The following PCCB variants were observed in gnomAD, a reference collection of about 807,000 sequenced individuals.
PCCB encodes the protein propionyl-CoA carboxylase subunit beta.
Under a neutral mutation model 60.7 loss-of-function variants are expected in PCCB, and 43 were observed. That is an observed-to-expected ratio of 0.71 (90% CI 0.55 to 0.91). PCCB has a LOEUF of 0.91. Ranked by LOEUF, PCCB falls within the 40% of genes least tolerant of loss-of-function variation. The pLI, the probability that PCCB is intolerant of heterozygous loss-of-function variation, is 0.00. For missense variants in PCCB, 766 were observed against 702.8 expected, an observed-to-expected ratio of 1.09 and a Z score of -1.02; for synonymous variants, 276 against 255.9, an observed-to-expected ratio of 1.08 and a Z score of -0.75.
chr3:136,316,622 T>C (rs1244671413), intron 9 of PCCB, among the ~76,000 whole-genome samples: 1 of 152,194 alleles, frequency 6.6e-6, no homozygotes, highest in Non-Finnish European at 1.5e-5. Context: ...GGCCTGACAT[T>C]TTTATTTAGG....
chr3:136,277,527 A>G (rs1415785480), intron 5 of PCCB, among the ~76,000 whole-genome samples: 2 of 151,750 alleles, frequency 1.3e-5, no homozygotes, highest in Non-Finnish European at 2.9e-5. Context: ...GTGGAGGGGT[A>G]CAGCCAGGTG....
At chr3:136,299,235 C>T (rs184993788) in intron 8 of PCCB, among the ~76,000 whole-genome samples, 1,695 of 151,442 alleles carry the variant, frequency 0.011, 14 homozygotes, top group Admixed American at 0.019. Flanking sequence ...TGTGTATATG[C>T]GTATATATGT....
intron 6 of PCCB, 32 bp downstream of exon 6, chr3:136,283,979 T>G (rs1933226570): frequency 7.3e-7 from 1 of 1,365,948 alleles, no homozygotes; most frequent in South Asian, 1.2e-5. Context: ...TTGGTGCCGT[T>G]TGAGATTTGT....
chr3:136,293,200 G>A (rs1434708571), intron 6 of PCCB, among the ~76,000 whole-genome samples: 4 of 152,068 alleles, frequency 2.6e-5, no homozygotes, highest in Non-Finnish European at 5.9e-5. Context: ...ACTGGGTCTC[G>A]CTATGTTGGC....
At position 136,327,783 on chromosome 3, in the gene PCCB, A is replaced by G. The variant is rs746188037; in HGVS notation, c.1398+51A>G. 3 of 1,395,690 alleles carry G rather than the reference A, an allele frequency of 2.1e-6. No homozygotes were observed. The African/African-American group carries it at 4.2e-5, about 20-fold the overall frequency. 86.5% of individuals were successfully genotyped at this position (1,395,690 alleles called of 1,614,324 possible). Reference sequence around the variant, plus strand: ...CTGGGTCCAAGGACTCGACTCTACCAGCGAGAGCTCAAGGCATAGCTGGGA... The same window carrying G: ...CTGGGTCCAAGGACTCGACTCTACCGGCGAGAGCTCAAGGCATAGCTGGGA... On this transcript the variant is annotated intron_variant, in intron 13 of 14. Transcript: ENST00000251654.
At chr3:136,256,699 C>G (rs1451144701) in intron 3 of PCCB, 76 bp downstream of exon 3, 1 of 1,036,382 alleles carries the variant, frequency 9.6e-7, no homozygotes, top group African/African-American at 1.6e-5. Context: ...AGAAGCCAAT[C>G]TTGGGGAATG....
At chr3:136,310,377 G>A (rs1934615853) in intron 9 of PCCB, among the ~76,000 whole-genome samples, 1 of 149,856 alleles carries the variant, frequency 6.7e-6, no homozygotes, top group Non-Finnish European at 1.5e-5. Context: ...AAAAAAAAAA[G>A]CCAGGCATGG....
intron 6 of PCCB, among the ~76,000 whole-genome samples, chr3:136,291,281 A>C (rs1933677273): frequency 6.6e-6 from 1 of 152,054 alleles, no homozygotes; most frequent in Non-Finnish European, 1.5e-5. Context: ...CAAACATCTT[A>C]ATTGTAGTTG....
intron 8 of PCCB, among the ~76,000 whole-genome samples, chr3:136,300,532 G>T (rs1057418814): frequency 2.0e-5 from 3 of 152,214 alleles, no homozygotes; most frequent in African/African-American, 7.2e-5. Context: ...TGGTGATTTT[G>T]CCCAGAGGGC....
intron 6 of PCCB, among the ~76,000 whole-genome samples, chr3:136,289,750 C>T (rs1289598057): frequency 7.1e-6 from 1 of 141,418 alleles, no homozygotes; most frequent in African/African-American, 2.8e-5. Flanking sequence ...ATTGAGCATT[C>T]TATATGATTC....
chr3:136,280,544 C>T (rs977318862), intron 5 of PCCB, among the ~76,000 whole-genome samples: 8 of 152,232 alleles, frequency 5.3e-5, no homozygotes, highest in Non-Finnish European at 1.2e-4. Flanking sequence ...CAGGGTTTCA[C>T]CATGTTGCCC....
intron 6 of PCCB, among the ~76,000 whole-genome samples, chr3:136,287,924 A>G (rs891107757): frequency 1.3e-5 from 2 of 152,218 alleles, no homozygotes; most frequent in Non-Finnish European, 2.9e-5. Context: ...CATAGGATAT[A>G]TATGTCTTCA....
At chr3:136,297,857 C>A in intron 7 of PCCB, 95 bp from the exon 8 acceptor site, 1 of 1,396,700 alleles carries the variant, frequency 7.2e-7, no homozygotes, top group South Asian at 1.2e-5. Flanking sequence ...CGGTCTGCTA[C>A]TGACATGCCC....
At chr3:136,324,871 A>G (rs1935246258) in intron 10 of PCCB, among the ~76,000 whole-genome samples, 1 of 152,144 alleles carries the variant, frequency 6.6e-6, no homozygotes, top group African/African-American at 2.4e-5. Context: ...GTGTAATTAA[A>G]AAGGCACAGA....
At chr3:136,283,977 G>C (rs763980255) in intron 6 of PCCB, 30 bp downstream of exon 6, 3 of 1,395,798 alleles carry the variant, frequency 2.1e-6, no homozygotes, top group Non-Finnish European at 3.1e-6. Flanking sequence ...TTTTGGTGCC[G>C]TTTGAGATTT....
chr3:136,309,883 A>T (rs1047261234), intron 9 of PCCB, among the ~76,000 whole-genome samples: 1 of 152,148 alleles, frequency 6.6e-6, no homozygotes, highest in East Asian at 1.9e-4. Flanking sequence ...TGATCCCATC[A>T]GAGATAGGAA....
intron 6 of PCCB, among the ~76,000 whole-genome samples, chr3:136,291,593 G>T (rs183805940): frequency 1.4e-4 from 22 of 152,072 alleles, no homozygotes; most frequent in African/African-American, 5.1e-4. Context: ...TTGGTGGGAC[G>T]GTGGCTAGAG....
intron 3 of PCCB, among the ~76,000 whole-genome samples, chr3:136,258,270 G>A (rs565626557): frequency 8.1e-4 from 124 of 152,316 alleles, no homozygotes; most frequent in African/African-American, 2.7e-3. Context: ...AGAAGGTGGA[G>A]ATGACTGAGA....
chr3:136,273,802 C>T (rs1040742719), intron 5 of PCCB, among the ~76,000 whole-genome samples: 1 of 146,598 alleles, frequency 6.8e-6, no homozygotes, highest in African/African-American at 2.5e-5. Context: ...GTCCCAGCTA[C>T]TTGTGAGGCT....
Sources: gnomAD v4.1 joint callset for allele counts (sites outside exome capture counted in the v4.1 genomes callset) on GRCh38, gnomAD v4.1.1 for gene constraint, MANE v1.5 for transcripts, NCBI Gene and HGNC (gene_info 2026-07-23, HGNC 2026-07-21) for gene names.